Variants in ITGA9 observed in about 807,000 individuals in gnomAD.
The protein encoded by ITGA9 is integrin subunit alpha 9, also known as integrin alpha-9.
Under a neutral mutation model 127.8 loss-of-function variants are expected in ITGA9, and 56 were observed. The observed-to-expected ratio is 0.44, with a 90% CI of 0.35 to 0.55. The LOEUF is 0.55. ITGA9 is among the 20% of genes least tolerant of loss of function. ITGA9 has a pLI of 0.00. For missense variants in ITGA9, 1,196 were observed against 1,347.1 expected, an observed-to-expected ratio of 0.89 and a Z score of 1.76; for synonymous variants, 508 against 514.5, an observed-to-expected ratio of 0.99 and a Z score of 0.17.
At chr3:37,624,785 T>C (rs1330406892) in intron 15 of ITGA9, among the ~76,000 whole-genome samples, 3 of 151,408 alleles carry the variant, frequency 2.0e-5, no homozygotes, top group Non-Finnish European at 2.9e-5. Context: ...TTTTGTATTT[T>C]TAGTAGAGAT....
chr3:37,474,902 A>G (rs1372861035), intron 3 of ITGA9, among the ~76,000 whole-genome samples: 2 of 152,216 alleles, frequency 1.3e-5, no homozygotes, highest in South Asian at 2.1e-4. Flanking sequence ...TCTTCATGGC[A>G]TAAGCTGTTA....
At chr3:37,666,707 G>A (rs1389815897) in intron 17 of ITGA9, among the ~76,000 whole-genome samples, 6 of 152,192 alleles carry the variant, frequency 3.9e-5, no homozygotes, top group Non-Finnish European at 8.8e-5. Context: ...GTTGATCAAA[G>A]CAAATGTCAC....
intron 1 of ITGA9, among the ~76,000 whole-genome samples, chr3:37,469,052 A>G (rs1014610170): frequency 3.3e-5 from 5 of 152,220 alleles, no homozygotes; most frequent in African/African-American, 1.2e-4. Flanking sequence ...TCCGGAAACA[A>G]TGCATAAAAC....
intron 15 of ITGA9, among the ~76,000 whole-genome samples, chr3:37,572,005 A>G (rs1350498756): frequency 6.6e-6 from 1 of 151,772 alleles, no homozygotes; most frequent in Non-Finnish European, 1.5e-5. Context: ...GATCATGGGG[A>G]TTTTGTAAAT....
In ITGA9 at chr3:37,526,078, G is replaced by C. The variant is rs1022120708; in HGVS notation, c.1373+7G>C. 1 of 1,612,596 alleles carries C rather than the reference G, an allele frequency of 6.2e-7. No homozygotes were observed. The highest frequency in any genetic ancestry group is 1.3e-5 in the African/African-American group (1 of 74,886). ...ACAGCGTGGTTCTTCTCAGGTGAGA[G>C]GCCCCACTCTTGCTCCTTGAATTGT... On this transcript the variant is annotated splice_region_variant and intron_variant, in intron 13 of 27. Coordinates refer to ENST00000264741, the MANE Select transcript of ITGA9 (RefSeq NM_002207.3).
chr3:37,786,603 A>C (rs1575237332), intron 26 of ITGA9, among the ~76,000 whole-genome samples: 2 of 152,060 alleles, frequency 1.3e-5, no homozygotes, highest in East Asian at 3.9e-4. Context: ...AAAAAAACAA[A>C]AAACAAACAA....
At chr3:37,617,090 G>GT (rs1451012603) in intron 15 of ITGA9, among the ~76,000 whole-genome samples, 3 of 152,230 alleles carry the variant, frequency 2.0e-5, no homozygotes, top group Non-Finnish European at 2.9e-5. Flanking sequence ...TGTTTTTGCA[G>GT]TGGCTGGTAA....
intron 1 of ITGA9, among the ~76,000 whole-genome samples, chr3:37,467,787 C>T (rs1698387224): frequency 6.6e-6 from 1 of 152,136 alleles, no homozygotes; most frequent in African/African-American, 2.4e-5. Flanking sequence ...ATTTTATGCT[C>T]CCCAGGTCTT....
intron 24 of ITGA9, among the ~76,000 whole-genome samples, chr3:37,778,490 C>A (rs758720129): frequency 6.6e-6 from 1 of 151,690 alleles, no homozygotes; most frequent in East Asian, 1.9e-4. Context: ...TGGTAGTGGG[C>A]GCCTGTAATC....
At chr3:37,560,011 T>C (rs1041380274) in intron 15 of ITGA9, among the ~76,000 whole-genome samples, 3 of 152,226 alleles carry the variant, frequency 2.0e-5, no homozygotes, top group Non-Finnish European at 4.4e-5. Flanking sequence ...TGCAGGTTTG[T>C]TACATAGGTA....
chr3:37,541,188 T>A (rs1699266474), intron 14 of ITGA9, among the ~76,000 whole-genome samples: 1 of 152,182 alleles, frequency 6.6e-6, no homozygotes, highest in African/African-American at 2.4e-5. Flanking sequence ...CGGGGCTACT[T>A]GTTACTGATG....
intron 11 of ITGA9, among the ~76,000 whole-genome samples, chr3:37,522,575 C>T (rs950149653): frequency 1.3e-5 from 2 of 151,966 alleles, no homozygotes; most frequent in African/African-American, 4.8e-5. Flanking sequence ...AAAAGTAAAA[C>T]AGCTGGGTAT....
chr3:37,670,383 C>T (rs1039946978), intron 17 of ITGA9, among the ~76,000 whole-genome samples: 1 of 152,162 alleles, frequency 6.6e-6, no homozygotes, highest in African/African-American at 2.4e-5. Context: ...TTAACTCAGT[C>T]CCTACCACTC....
intron 20 of ITGA9, among the ~76,000 whole-genome samples, chr3:37,738,105 CT>C (rs1696386968): frequency 6.6e-6 from 1 of 152,178 alleles, no homozygotes; most frequent in Non-Finnish European, 1.5e-5. Context: ...TTAGCCGCTT[CT>C]TTTTACTGGT....
intron 15 of ITGA9, among the ~76,000 whole-genome samples, chr3:37,543,048 C>T (rs1051025481): frequency 1.3e-5 from 2 of 152,220 alleles, no homozygotes; most frequent in South Asian, 4.1e-4. Flanking sequence ...TCCCCCTTGA[C>T]TACTTTCTAT....
intron 23 of ITGA9, among the ~76,000 whole-genome samples, chr3:37,772,234 C>T (rs899569354): frequency 1.1e-4 from 16 of 152,050 alleles, no homozygotes; most frequent in Non-Finnish European, 2.2e-4. Context: ...GGTGAAACCC[C>T]ATCTCTACTA....
chr3:37,812,369 C>T (rs970776665), intron 27 of ITGA9, among the ~76,000 whole-genome samples: 2 of 152,188 alleles, frequency 1.3e-5, no homozygotes, highest in African/African-American at 2.4e-5. Context: ...ACCCAAAGGC[C>T]GCGGAGTGGG....
chr3:37,671,075 G>A (rs1038551616), intron 17 of ITGA9, among the ~76,000 whole-genome samples: 3 of 152,252 alleles, frequency 2.0e-5, no homozygotes, highest in South Asian at 2.1e-4. Flanking sequence ...GTCATACATC[G>A]CTGCACACCG....
chr3:37,650,776 G>A (rs936891677), intron 16 of ITGA9, among the ~76,000 whole-genome samples: 10 of 152,032 alleles, frequency 6.6e-5, no homozygotes, highest in African/African-American at 2.4e-4. Context: ...AAGCTTCATG[G>A]TGTTCACTCA....
Sources: gnomAD v4.1 joint callset for allele counts (sites outside exome capture counted in the v4.1 genomes callset) on GRCh38, gnomAD v4.1.1 for gene constraint, MANE v1.5 for transcripts, NCBI Gene and HGNC (gene_info 2026-07-23, HGNC 2026-07-21) for gene names.